AGBL4: variants seen among roughly 807,000 people sequenced by gnomAD.
AGBL4 encodes AGBL carboxypeptidase 4, also known as cytosolic carboxypeptidase 6.
In AGBL4, 58 loss-of-function variants were observed where a neutral mutation model predicts 66.4. That is an observed-to-expected ratio of 0.87 (90% CI 0.71 to 1.09). The LOEUF is 1.09. AGBL4 is among the 50% of genes least tolerant of loss of function. The pLI is 0.00. For synonymous variants in AGBL4, 234 were observed against 222.9 expected, an observed-to-expected ratio of 1.05 and a Z score of -0.44; for missense variants, 579 against 631.0, an observed-to-expected ratio of 0.92 and a Z score of 0.88.
At chr1:49,533,223 A>G (rs1558027764) in intron 3 of AGBL4, among the ~76,000 whole-genome samples, 1 of 151,980 alleles carries the variant, frequency 6.6e-6, no homozygotes, top group South Asian at 2.1e-4. Context: ...CAGGTAATCC[A>G]TGTTTCTGCT....
chr1:49,082,563 A>G (rs1644826980), intron 4 of AGBL4, among the ~76,000 whole-genome samples: 1 of 152,186 alleles, frequency 6.6e-6, no homozygotes, highest in Admixed American at 6.5e-5. Flanking sequence ...TAAGAACAGT[A>G]AGGGGAAAAC....
chr1:49,303,638 T>C (rs945262204), intron 3 of AGBL4, among the ~76,000 whole-genome samples: 2 of 150,788 alleles, frequency 1.3e-5, no homozygotes, highest in Non-Finnish European at 1.5e-5. Flanking sequence ...TTTCTTCTTC[T>C]TTTTTTTTCT....
chr1:49,746,069 T>C (rs1312400309), intron 2 of AGBL4, among the ~76,000 whole-genome samples: 1 of 152,018 alleles, frequency 6.6e-6, no homozygotes. Flanking sequence ...TATTAATTTG[T>C]TCATTCAATT....
intron 9 of AGBL4, among the ~76,000 whole-genome samples, chr1:48,611,277 G>A (rs910752556): frequency 6.6e-6 from 1 of 152,212 alleles, no homozygotes; most frequent in African/African-American, 2.4e-5. Flanking sequence ...CTGTCAGATG[G>A]CCTGACTTCC....
At chr1:48,888,002 A>C (rs1330563154) in intron 5 of AGBL4, among the ~76,000 whole-genome samples, 2 of 152,154 alleles carry the variant, frequency 1.3e-5, no homozygotes, top group Non-Finnish European at 1.5e-5. Flanking sequence ...CTTAATTGGA[A>C]GCCAAAGCCA....
chr1:48,591,094 C>CCA (rs1644911593), intron 9 of AGBL4, 109 bp from the exon 10 acceptor site: 9 of 752,352 alleles, frequency 1.2e-5, no homozygotes, highest in Non-Finnish European at 1.6e-5. Context: ...CCACCCACCC[C>CCA]CCCCCACACA....
At chr1:49,699,969 G>C (rs1241800059) in intron 2 of AGBL4, among the ~76,000 whole-genome samples, 1 of 151,658 alleles carries the variant, frequency 6.6e-6, no homozygotes, top group East Asian at 1.9e-4. Flanking sequence ...GACTTTGGTA[G>C]TCATTGCATT....
intron 2 of AGBL4, among the ~76,000 whole-genome samples, chr1:49,708,260 C>T (rs891574115): frequency 1.3e-5 from 2 of 151,930 alleles, no homozygotes; most frequent in Non-Finnish European, 2.9e-5. Context: ...CCTTTTCATT[C>T]TTTTTACTCT....
chr1:48,616,430 T>C (rs935788604), intron 9 of AGBL4, among the ~76,000 whole-genome samples: 1 of 152,132 alleles, frequency 6.6e-6, no homozygotes. Context: ...GTAAGCATAA[T>C]TGGTACAGAA....
At chr1:49,646,996 TC>T in intron 3 of AGBL4, among the ~76,000 whole-genome samples, 1 of 151,962 alleles carries the variant, frequency 6.6e-6, no homozygotes, top group East Asian at 1.9e-4. Context: ...AATACAAACT[TC>T]TTTTGATATT....
chr1:49,814,173 A>G lies in AGBL4; in HGVS notation c.157+37223T>C, dbSNP rs1051588201. On this transcript the variant is annotated intron_variant, in intron 2 of 13. Transcript: ENST00000371839. The stretch of plus-strand genomic sequence containing the variant: ...GAGCTGACTAATACAGTACTGTATT[A>G]ATTGTGTAGCCAGCAAAGACCTCCC... 9.9e-5 allele frequency among the ~76,000 whole-genome samples: 15 copies of G among 152,262 alleles called. 1 individual carries two copies. The South Asian group carries it at 2.9e-3, about 29-fold the overall frequency.
intron 3 of AGBL4, among the ~76,000 whole-genome samples, chr1:49,323,756 G>A (rs1386908471): frequency 1.3e-5 from 2 of 149,682 alleles, no homozygotes; most frequent in African/African-American, 2.5e-5. Context: ...GTGGCAGAGC[G>A]AGGCCCCGTT....
At chr1:49,735,301 GT>G (rs1253635984) in intron 2 of AGBL4, among the ~76,000 whole-genome samples, 9 of 133,672 alleles carry the variant, frequency 6.7e-5, no homozygotes, top group East Asian at 2.1e-4. Context: ...GTGTGGGTGT[GT>G]GTGTGTGTGT....
intron 4 of AGBL4, among the ~76,000 whole-genome samples, chr1:49,098,017 A>G (rs1167040586): frequency 6.6e-6 from 1 of 152,222 alleles, no homozygotes; most frequent in Non-Finnish European, 1.5e-5. Context: ...TGGAGTTATG[A>G]CATTCCTTCT....
At chr1:48,904,052 GT>G (rs1384433394) in intron 5 of AGBL4, among the ~76,000 whole-genome samples, 1 of 152,168 alleles carries the variant, frequency 6.6e-6, no homozygotes, top group African/African-American at 2.4e-5. Context: ...GCTAACGTGG[GT>G]GGATCACCTG....
chr1:49,704,748 G>T (rs868524030), intron 2 of AGBL4, among the ~76,000 whole-genome samples: 1 of 152,162 alleles, frequency 6.6e-6, no homozygotes, highest in East Asian at 1.9e-4. Flanking sequence ...TAGATGTGTG[G>T]TGTTATTTCT....
At chr1:49,034,384 C>G (rs968995127) in intron 5 of AGBL4, among the ~76,000 whole-genome samples, 9 of 152,202 alleles carry the variant, frequency 5.9e-5, no homozygotes, top group Admixed American at 5.9e-4. Flanking sequence ...TAACCAAACC[C>G]AGAGATTGAT....
chr1:49,312,319 C>T (rs572873348), intron 3 of AGBL4, among the ~76,000 whole-genome samples: 1 of 152,168 alleles, frequency 6.6e-6, no homozygotes, highest in South Asian at 2.1e-4. Flanking sequence ...CAAGGTGTCA[C>T]TTTGGAAGCA....
At chr1:49,123,448 T>C (rs1645701828) in intron 4 of AGBL4, among the ~76,000 whole-genome samples, 1 of 152,214 alleles carries the variant, frequency 6.6e-6, no homozygotes, top group South Asian at 2.1e-4. Flanking sequence ...CCTAAAATTA[T>C]ATATTTCATA....
Sources: gnomAD v4.1 joint callset for allele counts (sites outside exome capture counted in the v4.1 genomes callset) on GRCh38, gnomAD v4.1.1 for gene constraint, MANE v1.5 for transcripts, NCBI Gene and HGNC (gene_info 2026-07-23, HGNC 2026-07-21) for gene names.